The following NEK11 variants were observed in gnomAD, a reference collection of about 807,000 sequenced individuals.
The protein encoded by NEK11 is serine/threonine-protein kinase Nek11.
NEK11 carries 72 observed loss-of-function variants against 80.7 expected under a neutral mutation model. The observed-to-expected ratio is 0.89, with a 90% CI of 0.74 to 1.08. The LOEUF is 1.08. Among genes scored for constraint, NEK11 ranks in the 50% least tolerant of loss-of-function variants. NEK11 has a pLI of 0.00. For synonymous variants in NEK11, 251 were observed against 260.7 expected (o/e 0.96, Z 0.36); for missense variants, 764 against 763.6 (o/e 1.00, Z -0.01).
intron 17 of NEK11, among the ~76,000 whole-genome samples, chr3:131,282,100 CT>C (rs145550595): frequency 0.021 from 3,254 of 152,026 alleles, 115 homozygotes; most frequent in African/African-American, 0.073. Flanking sequence ...AAAAGCGATA[CT>C]TTTTTTTCTC....
intron 17 of NEK11, among the ~76,000 whole-genome samples, chr3:131,339,172 A>G (rs1477976719): frequency 1.3e-5 from 2 of 152,190 alleles, no homozygotes; most frequent in Non-Finnish European, 2.9e-5. Flanking sequence ...GCTTACTCAG[A>G]TATTATTTTT....
intron 3 of NEK11, among the ~76,000 whole-genome samples, chr3:131,052,741 A>G (rs967317385): frequency 1.3e-5 from 2 of 152,212 alleles, no homozygotes; most frequent in Admixed American, 6.5e-5. Flanking sequence ...ACTTGCAGCT[A>G]TGAGTTTTTG....
rs1307374045 is a variant in NEK11 at position 131,122,604 on chromosome 3, G to A, written c.456-10141G>A. ...AGCCATTGGCTGTGCCAGCACCTTT[G>A]GCAAGAAGAGTTTGTGATCCACCCT... On this transcript the variant is annotated intron_variant, in intron 5 of 17. Coordinates refer to ENST00000383366, the MANE Select transcript of NEK11 (RefSeq NM_024800.5). 5.9e-5 allele frequency among the ~76,000 whole-genome samples: 9 copies of A among 152,312 alleles called. No individual in the cohort carries two copies. In the East Asian group the frequency reaches 7.7e-4, roughly 13 times the overall value.
chr3:131,135,026 C>T (rs1156693509), intron 7 of NEK11, among the ~76,000 whole-genome samples: 1 of 152,146 alleles, frequency 6.6e-6, no homozygotes, highest in Admixed American at 6.5e-5. Context: ...CTTTCAAAGA[C>T]AAGCAGTGTA....
chr3:131,148,395 AG>A (rs1272390906), intron 7 of NEK11, among the ~76,000 whole-genome samples: 1 of 152,020 alleles, frequency 6.6e-6, no homozygotes, highest in Non-Finnish European at 1.5e-5. Flanking sequence ...CGAAATGAAG[AG>A]GTTGAGTAAG....
intron 17 of NEK11, among the ~76,000 whole-genome samples, chr3:131,336,482 G>T (rs1303683348): frequency 1.3e-5 from 2 of 152,158 alleles, no homozygotes. Context: ...ATGGTTTAAA[G>T]ACTTAAACAT....
chr3:131,053,762 G>A (rs1449485175), intron 3 of NEK11: 2 of 152,194 alleles, frequency 1.3e-5, no homozygotes, highest in Admixed American at 6.5e-5. Flanking sequence ...AGTTGAGAGG[G>A]ATCTGAGCCA....
chr3:131,300,970 G>A (rs1282875566), intron 17 of NEK11, among the ~76,000 whole-genome samples: 2 of 152,170 alleles, frequency 1.3e-5, no homozygotes, highest in Non-Finnish European at 2.9e-5. Flanking sequence ...GCTTTGGGCA[G>A]TATGACTGTT....
At chr3:131,125,228 C>CT (rs1279305250) in intron 5 of NEK11, among the ~76,000 whole-genome samples, 1 of 152,120 alleles carries the variant, frequency 6.6e-6, no homozygotes, top group Non-Finnish European at 1.5e-5. Context: ...ATAAAGTAAA[C>CT]TATATGATCT....
intron 5 of NEK11, among the ~76,000 whole-genome samples, 186 bp downstream of exon 5, chr3:131,110,107 G>C (rs565100836): frequency 6.6e-6 from 1 of 152,234 alleles, no homozygotes; most frequent in South Asian, 2.1e-4. Context: ...GGATTTACTT[G>C]CATAGCTTTT....
At chr3:131,119,041 A>T (rs1448196541) in intron 5 of NEK11, among the ~76,000 whole-genome samples, 2 of 151,888 alleles carry the variant, frequency 1.3e-5, no homozygotes, top group African/African-American at 4.8e-5. Flanking sequence ...TTGCTTCTCT[A>T]GTTCTTTTAA....
intron 4 of NEK11, among the ~76,000 whole-genome samples, chr3:131,081,994 C>T (rs1577990781): frequency 6.6e-6 from 1 of 152,190 alleles, no homozygotes. Flanking sequence ...ATGTCTTGGC[C>T]ATTCCCCTTC....
chr3:131,120,387 C>T (rs934541270), intron 5 of NEK11, among the ~76,000 whole-genome samples: 1 of 152,136 alleles, frequency 6.6e-6, no homozygotes, highest in African/African-American at 2.4e-5. Flanking sequence ...GGTAACCCGA[C>T]CTTTCACTCT....
chr3:131,160,551 A>G (rs2091400972), intron 10 of NEK11, among the ~76,000 whole-genome samples: 1 of 152,240 alleles, frequency 6.6e-6, no homozygotes, highest in African/African-American at 2.4e-5. Context: ...AGATAACATC[A>G]TGATGACAGG....
intron 17 of NEK11, among the ~76,000 whole-genome samples, chr3:131,285,212 T>G (rs1473439815): frequency 1.3e-5 from 2 of 152,208 alleles, no homozygotes; most frequent in Non-Finnish European, 2.9e-5. Flanking sequence ...GAGATGATTT[T>G]CATGTGGAAA....
chr3:131,235,691 C>G (rs2095419348), intron 15 of NEK11, among the ~76,000 whole-genome samples: 1 of 152,084 alleles, frequency 6.6e-6, no homozygotes, highest in Non-Finnish European at 1.5e-5. Context: ...CCTTTACATG[C>G]CTTATCCCAT....
intron 7 of NEK11, among the ~76,000 whole-genome samples, chr3:131,138,955 C>T (rs1400719325): frequency 6.6e-6 from 1 of 152,112 alleles, no homozygotes; most frequent in Non-Finnish European, 1.5e-5. Flanking sequence ...ATACCTAACT[C>T]TTCAATGCCC....
At chr3:131,182,152 AAG>A (rs1294219182) in intron 14 of NEK11, among the ~76,000 whole-genome samples, 1 of 151,740 alleles carries the variant, frequency 6.6e-6, no homozygotes, top group Non-Finnish European at 1.5e-5. Context: ...AAAAAAAAAA[AAG>A]AAAAGAAAAA....
At chr3:131,339,648 C>A (rs2097256188) in intron 17 of NEK11, among the ~76,000 whole-genome samples, 1 of 152,170 alleles carries the variant, frequency 6.6e-6, no homozygotes, top group Non-Finnish European at 1.5e-5. Flanking sequence ...GTATTCTGAG[C>A]TTCTGGAAAC....
Sources: gnomAD v4.1 joint callset for allele counts (sites outside exome capture counted in the v4.1 genomes callset) on GRCh38, gnomAD v4.1.1 for gene constraint, MANE v1.5 for transcripts, NCBI Gene and HGNC (gene_info 2026-07-23, HGNC 2026-07-21) for gene names.